NRXN3: variants seen among roughly 807,000 people sequenced by gnomAD.
The protein encoded by NRXN3 is neurexin 3, also known as neurexin III.
A neutral mutation model predicts 137.6 loss-of-function variants in NRXN3; 32 were observed. That is an observed-to-expected ratio of 0.23 (90% CI 0.18 to 0.31). The LOEUF is 0.31. Among genes scored for constraint, NRXN3 ranks in the 10% least tolerant of loss-of-function variants. NRXN3 has a pLI of 1.00. For missense variants in NRXN3, 1,574 were observed against 2,062.5 expected (o/e 0.76, Z 4.59); for synonymous variants, 798 against 784.5 (o/e 1.02, Z -0.29).
intron 15 of NRXN3, among the ~76,000 whole-genome samples, chr14:79,131,468 G>A (rs1241644482): frequency 6.6e-6 from 1 of 152,170 alleles, no homozygotes; most frequent in Non-Finnish European, 1.5e-5. Flanking sequence ...CTGCTGGGGG[G>A]TGCCTCCCAG....
At chr14:79,682,102 T>G (rs902094599) in intron 17 of NRXN3, among the ~76,000 whole-genome samples, 1 of 152,206 alleles carries the variant, frequency 6.6e-6, no homozygotes, top group Non-Finnish European at 1.5e-5. Flanking sequence ...CCTTTGCTTT[T>G]GGCAGTTACA....
intron 16 of NRXN3, among the ~76,000 whole-genome samples, chr14:79,583,158 T>A (rs968977969): frequency 3.9e-5 from 6 of 152,216 alleles, no homozygotes; most frequent in Admixed American, 2.0e-4. Flanking sequence ...AATTCCCAGG[T>A]GGCTAAAAAG....
At chr14:79,014,357 T>C (rs1379657044) in intron 15 of NRXN3, among the ~76,000 whole-genome samples, 1 of 152,158 alleles carries the variant, frequency 6.6e-6, no homozygotes, top group African/African-American at 2.4e-5. Flanking sequence ...GAACATGCAG[T>C]ATTGGGTTTT....
At chr14:79,289,878 G>A (rs2082882611) in intron 15 of NRXN3, among the ~76,000 whole-genome samples, 1 of 152,096 alleles carries the variant, frequency 6.6e-6, no homozygotes, top group Non-Finnish European at 1.5e-5. Context: ...CTTGTTTGAA[G>A]ACCTGTCCCC....
intron 2 of NRXN3, among the ~76,000 whole-genome samples, chr14:78,272,306 G>C (rs1183521611): frequency 6.6e-6 from 1 of 152,112 alleles, no homozygotes; most frequent in Non-Finnish European, 1.5e-5. Context: ...GCCACTTTTT[G>C]ACACTAGAGT....
intron 15 of NRXN3, among the ~76,000 whole-genome samples, chr14:79,395,603 T>C: frequency 6.6e-6 from 1 of 151,306 alleles, no homozygotes; most frequent in East Asian, 2.0e-4. Context: ...GGTCAGGAGA[T>C]CAAGGCCATC....
chr14:78,727,984 G>A (rs2098494407), intron 8 of NRXN3, among the ~76,000 whole-genome samples: 1 of 152,134 alleles, frequency 6.6e-6, no homozygotes, highest in Admixed American at 6.5e-5. Flanking sequence ...CTATTCCAGT[G>A]CTTATAATTT....
At chr14:79,416,085 T>C (rs1267480340) in intron 15 of NRXN3, among the ~76,000 whole-genome samples, 1 of 152,092 alleles carries the variant, frequency 6.6e-6, no homozygotes, top group African/African-American at 2.4e-5. Context: ...CAAGATTAAA[T>C]CTGAAGCGAA....
intron 4 of NRXN3, among the ~76,000 whole-genome samples, chr14:78,502,330 G>A (rs1325315915): frequency 6.6e-6 from 1 of 152,136 alleles, no homozygotes; most frequent in Non-Finnish European, 1.5e-5. Context: ...ATTCTGCCTT[G>A]TGCCTAGAAA....
chr14:78,290,988 G>A (rs2075750903), intron 3 of NRXN3, among the ~76,000 whole-genome samples: 1 of 152,212 alleles, frequency 6.6e-6, no homozygotes, highest in Admixed American at 6.5e-5. Flanking sequence ...TAGATTCTGT[G>A]GATGAGGATT....
chr14:78,439,696 G>A (rs2094182483), intron 4 of NRXN3, among the ~76,000 whole-genome samples: 1 of 152,076 alleles, frequency 6.6e-6, no homozygotes, highest in Admixed American at 6.5e-5. Flanking sequence ...TGGAAACCAA[G>A]GCAGAATTTT....
chr14:78,489,766 G>A (rs1188552470), intron 4 of NRXN3, among the ~76,000 whole-genome samples: 1 of 152,098 alleles, frequency 6.6e-6, no homozygotes, highest in East Asian at 1.9e-4. Flanking sequence ...CAGCTGAGAG[G>A]GAAGAATTTG....
intron 10 of NRXN3, among the ~76,000 whole-genome samples, chr14:78,825,360 C>T (rs1205966013): frequency 2.0e-5 from 3 of 151,974 alleles, no homozygotes; most frequent in Admixed American, 6.6e-5. Flanking sequence ...GGCAGAGTTG[C>T]GTGATAGAAA....
At position 78,822,860 on chromosome 14, in the gene NRXN3, T is replaced by A. The variant is rs17108290; in HGVS notation, c.2275+12516T>A. On this transcript the variant is annotated intron_variant, in intron 10 of 20. Transcript: ENST00000335750. ...ACTTGTATGCTGAAGTGTTAATGCC[T>A]AAATGAATGAAATCTATCACTCTAG... Among the ~76,000 whole-genome samples the A allele has an allele frequency of 0.019, 2,887 of 152,264 alleles. 208 individuals are homozygous for A. The East Asian group carries it at 0.26, about 14-fold the overall frequency.
chr14:79,019,071 T>G (rs1047218865), intron 15 of NRXN3, among the ~76,000 whole-genome samples: 10 of 152,214 alleles, frequency 6.6e-5, no homozygotes, highest in Admixed American at 3.3e-4. Context: ...TCATTACTAT[T>G]CCCATTCATT....
chr14:78,948,024 C>T (rs551850157), intron 10 of NRXN3, among the ~76,000 whole-genome samples: 3 of 152,310 alleles, frequency 2.0e-5, no homozygotes, highest in African/African-American at 7.2e-5. Flanking sequence ...ATTTGAGTTA[C>T]TGCATGGGAC....
chr14:78,473,370 C>T (rs941516449), intron 4 of NRXN3, among the ~76,000 whole-genome samples: 14 of 150,252 alleles, frequency 9.3e-5, no homozygotes, highest in Admixed American at 7.3e-4. Context: ...CCACTGCACT[C>T]CAGCCTGGGC....
intron 4 of NRXN3, among the ~76,000 whole-genome samples, chr14:78,335,658 T>G (rs1453610936): frequency 6.6e-6 from 1 of 152,182 alleles, no homozygotes; most frequent in African/African-American, 2.4e-5. Context: ...TGTGGCCTGA[T>G]TCCTTCCTCC....
chr14:78,882,119 G>T (rs1370315560), intron 10 of NRXN3, among the ~76,000 whole-genome samples: 1 of 151,856 alleles, frequency 6.6e-6, no homozygotes, highest in Non-Finnish European at 1.5e-5. Flanking sequence ...ATTGAGTTTG[G>T]TGAACTTCTG....
Sources: allele counts gnomAD v4.1 joint callset (sites outside exome capture counted in the v4.1 genomes callset), GRCh38; gene constraint gnomAD v4.1.1; transcripts MANE v1.5; gene names NCBI Gene and HGNC (gene_info 2026-07-23, HGNC 2026-07-21).